CAPZA2: variants seen among roughly 807,000 people sequenced by gnomAD.
CAPZA2 encodes the protein capping actin protein of muscle Z-line subunit alpha 2.
Under a neutral mutation model 44.0 loss-of-function variants are expected in CAPZA2, and 13 were observed. The observed-to-expected ratio is 0.30, with a 90% CI of 0.19 to 0.47. CAPZA2 has a LOEUF of 0.47. Among genes scored for constraint, CAPZA2 ranks in the 20% least tolerant of loss-of-function variants. The probability of loss-of-function intolerance (pLI) is 1.00; values close to 1 mark genes in which losing one functional copy is unlikely to be tolerated. For missense variants in CAPZA2, 244 were observed against 338.6 expected, an observed-to-expected ratio of 0.72 and a Z score of 2.19; for synonymous variants, 94 against 108.2, an observed-to-expected ratio of 0.87 and a Z score of 0.81.
Position 116,888,225 on chromosome 7 carries a change from A to T in CAPZA2, c.103+35A>T, listed in dbSNP as rs1297592215. ...TGATTTATAACACTAGGCTTGATAT[A>T]TCAAGCCCTCTTTTTAAAAGAAAAC... is the stretch of plus-strand genomic sequence containing the variant. On this transcript the variant is annotated intron_variant, in intron 2 of 9. Coordinates refer to ENST00000361183, the MANE Select transcript of CAPZA2 (RefSeq NM_006136.3). 4 of 1,411,952 alleles carry T rather than the reference A, an allele frequency of 2.8e-6. No individual in the cohort carries two copies. The South Asian group carries it at 4.8e-5, about 17-fold the overall frequency. 87.5% of individuals were successfully genotyped at this position (1,411,952 alleles called of 1,614,324 possible).
At chr7:116,900,102 C>T (rs1314349996) in intron 4 of CAPZA2, among the ~76,000 whole-genome samples, 1 of 151,434 alleles carries the variant, frequency 6.6e-6, no homozygotes, top group Non-Finnish European at 1.5e-5. Flanking sequence ...ATTCAGTAGC[C>T]ATTTTCTCAT....
At chr7:116,863,150 C>T (rs985127562) in intron 1 of CAPZA2, among the ~76,000 whole-genome samples, 1 of 152,204 alleles carries the variant, frequency 6.6e-6, no homozygotes. Flanking sequence ...TTCACTTCTC[C>T]CTTCTACTTC....
At chr7:116,907,282 G>C (rs1791530610) in intron 6 of CAPZA2, among the ~76,000 whole-genome samples, 1 of 152,150 alleles carries the variant, frequency 6.6e-6, no homozygotes, top group Non-Finnish European at 1.5e-5. Context: ...GAAAATCAAT[G>C]CCATATGTGA....
intron 5 of CAPZA2, chr7:116,904,608 A>G: frequency 2.2e-6 from 1 of 447,148 alleles, no homozygotes; most frequent in South Asian, 3.7e-5. Flanking sequence ...ATTTAAATCC[A>G]TGTAGAAATT....
At chr7:116,914,574 G>A (rs1791653564) in intron 8 of CAPZA2, among the ~76,000 whole-genome samples, 1 of 151,932 alleles carries the variant, frequency 6.6e-6, no homozygotes, top group South Asian at 2.1e-4. Context: ...CCATCCTCCT[G>A]CCTCAGCCTC....
chr7:116,890,526 ATATATAT>A (rs1796821758), intron 2 of CAPZA2, among the ~76,000 whole-genome samples: 40 of 28,820 alleles, frequency 1.4e-3, no homozygotes, highest in Non-Finnish European at 2.0e-3. Context: ...AAAAAAAAAA[ATATATAT>A]ATATATATAT....
At chr7:116,905,994 C>G (rs1302890806) in intron 5 of CAPZA2, among the ~76,000 whole-genome samples, 1 of 152,086 alleles carries the variant, frequency 6.6e-6, no homozygotes, top group Admixed American at 6.6e-5. Flanking sequence ...AGTAGATTAT[C>G]TAGAATGTTC....
At chr7:116,906,192 T>C (rs1366474053) in intron 5 of CAPZA2, 71 bp from the exon 6 acceptor site, 104 of 1,566,454 alleles carry the variant, frequency 6.6e-5, no homozygotes, top group Non-Finnish European at 8.9e-5. Context: ...TTGCAGTATT[T>C]TATAGATTTT....
At chr7:116,909,392 T>G (rs1791556867) in intron 6 of CAPZA2, among the ~76,000 whole-genome samples, 1 of 152,136 alleles carries the variant, frequency 6.6e-6, no homozygotes, top group Non-Finnish European at 1.5e-5. Flanking sequence ...GCTAAACTAC[T>G]CATCCAGAAT....
intron 8 of CAPZA2, 129 bp downstream of exon 8, chr7:116,912,269 A>C: frequency 1.4e-6 from 2 of 1,405,178 alleles, no homozygotes; most frequent in Non-Finnish European, 1.9e-6. Context: ...AAAGATAAGT[A>C]ATTGCAAACC....
chr7:116,879,320 A>G (rs1444539058), intron 1 of CAPZA2, among the ~76,000 whole-genome samples: 1 of 152,058 alleles, frequency 6.6e-6, no homozygotes. Flanking sequence ...ACTGTAAACC[A>G]TTACACCAAA....
intron 2 of CAPZA2, among the ~76,000 whole-genome samples, chr7:116,889,096 A>G (rs1191800178): frequency 6.6e-6 from 1 of 152,132 alleles, no homozygotes; most frequent in Non-Finnish European, 1.5e-5. Context: ...ATAATTATTC[A>G]CCCATAGATC....
chr7:116,879,366 T>C (rs1411186431), intron 1 of CAPZA2, among the ~76,000 whole-genome samples: 1 of 152,174 alleles, frequency 6.6e-6, no homozygotes, highest in Non-Finnish European at 1.5e-5. Flanking sequence ...TTTGTGATTT[T>C]TGAATGTAAA....
intron 6 of CAPZA2, among the ~76,000 whole-genome samples, chr7:116,908,361 G>T (rs187061264): frequency 6.6e-6 from 1 of 152,236 alleles, no homozygotes; most frequent in East Asian, 1.9e-4. Context: ...TTTCAGTAGA[G>T]ACCTTCTCTT....
chr7:116,895,554 T>C (rs1796913761), intron 3 of CAPZA2, among the ~76,000 whole-genome samples: 4 of 152,094 alleles, frequency 2.6e-5, no homozygotes, highest in Admixed American at 2.0e-4. Context: ...ACATCGGTAA[T>C]TGTGATAAAA....
chr7:116,873,071 T>C (rs1045144633), intron 1 of CAPZA2, among the ~76,000 whole-genome samples: 1 of 152,176 alleles, frequency 6.6e-6, no homozygotes, highest in African/African-American at 2.4e-5. Context: ...CCTACCCTAA[T>C]GTCTCCTTCC....
At position 116,920,453 on chromosome 7, in the gene CAPZA2, G is replaced by A. The variant is rs1185686688; in HGVS notation, c.*2586G>A. 1 of 152,310 alleles carries A rather than the reference G, an allele frequency of 6.6e-6. No individual in the cohort carries two copies. The highest frequency in any genetic ancestry group is 2.4e-5 in the African/African-American group (1 of 41,420). The allele number at this position is 152,310 out of a possible 1,614,324, so 9.4% of individuals were successfully genotyped here. A position where few individuals can be genotyped will look rare whatever the true frequency, so the allele number is the denominator to read the frequency against. The stretch of plus-strand genomic sequence containing the variant: ...CTAGTTGAGAGAGCATGCTGGCTTG[G>A]ACTGAGGTGGTTGCTGTAGAGGTGG... On this transcript the variant is annotated 3_prime_UTR_variant, in exon 10 of 10. Coordinates refer to ENST00000361183, the MANE Select transcript of CAPZA2 (RefSeq NM_006136.3).
At chr7:116,894,360 CAAAA>C (rs10706961) in intron 3 of CAPZA2, among the ~76,000 whole-genome samples, 4 of 114,516 alleles carry the variant, frequency 3.5e-5, no homozygotes, top group Non-Finnish European at 3.7e-5. Context: ...GACTCCGTCT[CAAAA>C]AAAAAAAAAA....
chr7:116,866,553 G>A (rs1796486677), intron 1 of CAPZA2, among the ~76,000 whole-genome samples: 1 of 152,206 alleles, frequency 6.6e-6, no homozygotes, highest in African/African-American at 2.4e-5. Context: ...GTATTGTACA[G>A]TAAAGCATTT....
Sources: gnomAD v4.1 joint callset for allele counts (sites outside exome capture counted in the v4.1 genomes callset) on GRCh38, gnomAD v4.1.1 for gene constraint, MANE v1.5 for transcripts, NCBI Gene and HGNC (gene_info 2026-07-23, HGNC 2026-07-21) for gene names.